The following PPM1N variants were observed in gnomAD, a reference collection of about 807,000 sequenced individuals.
PPM1N encodes probable protein phosphatase 1N.
Under a neutral mutation model 32.6 loss-of-function variants are expected in PPM1N, and 35 were observed. That is an observed-to-expected ratio of 1.07 (90% CI 0.82 to 1.43). PPM1N has a LOEUF of 1.43. Ranked by LOEUF, PPM1N falls within the 40% of genes most tolerant of loss-of-function variation. The pLI is 0.00. For synonymous variants in PPM1N, 275 were observed against 270.5 expected (o/e 1.02, Z -0.16); for missense variants, 648 against 606.6 (o/e 1.07, Z -0.72).
chr19:45,499,695 T>C (rs1289325035), intron 1 of PPM1N: 1 of 1,547,200 alleles, frequency 6.5e-7, no homozygotes, highest in South Asian at 1.2e-5. Context: ...GGGCCGGAAG[T>C]ATTGATTAGT....
At chr19:45,501,243 A>G (rs1274408555) in intron 4 of PPM1N, among the ~76,000 whole-genome samples, 1 of 152,230 alleles carries the variant, frequency 6.6e-6, no homozygotes, top group African/African-American at 2.4e-5. Flanking sequence ...CACAGCAGAT[A>G]CCATCAGGAC....
rs2053986626 is a variant in PPM1N at position 45,499,382 on chromosome 19, G to C, written c.910G>C (p.Ala304Pro). The change falls in exon 1 of 5, where the codon GCG becomes CCG. Residue 304 changes from alanine (A) to proline (P), a missense_variant. Transcript: ENST00000451287. The part of the protein sequence containing the change: ...RLGLAPELLC[A>P]QLLDTCLCKG... ...GGGCCTGGCCCCAGAGCTTCTCTGC[G>C]CGCAGCTGTTGGACACGTGTCTGTG... 6.2e-7 allele frequency: 1 copy of C among 1,606,908 alleles called. No individual in the cohort carries two copies. The highest frequency in any genetic ancestry group is 8.5e-7 in the Non-Finnish European group (1 of 1,177,252).
At position 45,499,933 on chromosome 19, in the gene PPM1N, T is replaced by G; in HGVS notation, c.940-16T>G. Reference sequence around the variant, plus strand: ...GACTCTCCCCCACCGGGCTCCTTTTTCTCCACCGGCTTCAGGGCAGCCTGG... The same window carrying G: ...GACTCTCCCCCACCGGGCTCCTTTTGCTCCACCGGCTTCAGGGCAGCCTGG... On this transcript the variant is annotated splice_polypyrimidine_tract_variant and intron_variant, in intron 1 of 4. Transcript: ENST00000451287. 3 of 1,560,458 alleles carry G rather than the reference T, an allele frequency of 1.9e-6. No individual in the cohort carries two copies. The highest frequency in any genetic ancestry group is 2.6e-6 in the Non-Finnish European group (3 of 1,151,590).
rs1968352451 is a variant in PPM1N, at chr19:45,498,789, G to C, written c.317G>C (p.Gly106Ala). Residue 106 changes from glycine to alanine, a missense_variant, in exon 1 of 5, where the codon GGT becomes GCT. Gly to Ala is a moderately conservative substitution (Grantham distance 60, BLOSUM62 0). Coordinates refer to ENST00000451287, the MANE Select transcript of PPM1N (RefSeq NM_001080401.2). ...TTGTTTGCCGTCCTCGACGGCCACG[G>C]TGGGGCTCGAGCTGCCCGCTTCGGT... ...WALFAVLDGH[G>A]GARAARFGAR... 6.4e-7 allele frequency: 1 copy of C among 1,553,200 alleles called. No homozygotes were observed. The highest frequency in any genetic ancestry group is 8.7e-7 in the Non-Finnish European group (1 of 1,155,070).
chr19:45,498,578 C>T lies in PPM1N; in HGVS notation c.106C>T (p.Arg36Cys), dbSNP rs1405409677. The change falls in exon 1 of 5, where the codon CGC becomes TGC. Residue 36 changes from arginine (R) to cysteine (C), a missense_variant. By Grantham distance (180) the Arg-to-Cys change is radical (BLOSUM62 -3). Coordinates refer to ENST00000451287, the MANE Select transcript of PPM1N (RefSeq NM_001080401.2). The stretch of plus-strand genomic sequence containing the variant: ...GGAAGAGGAGGAGGAGGAGGCGGGG[C>T]GCAGGGCCCCCGAAGGGCCTCGGTC... ...REEEEEEEAG[R>C]RAPEGPRSLL... The T allele has an allele frequency of 2.7e-6, 4 of 1,459,756 alleles. No individual in the cohort carries two copies. Among genetic ancestry groups the T allele is most frequent in the Middle Eastern group, 3.9e-4 (2 of 5,144 alleles). 90.4% of individuals were successfully genotyped at this position (1,459,756 alleles called of 1,614,324 possible).
chr19:45,500,615 G>C (rs980135513), intron 3 of PPM1N, 35 bp from the exon 4 acceptor site: 1 of 1,593,478 alleles, frequency 6.3e-7, no homozygotes, highest in Admixed American at 1.7e-5. Context: ...GGAAGGAGGA[G>C]AGTCCCCTCC....
At chr19:45,500,141 C>A in intron 2 of PPM1N, 75 bp downstream of exon 2, 3 of 1,259,464 alleles carry the variant, frequency 2.4e-6, no homozygotes, top group Non-Finnish European at 3.2e-6. Flanking sequence ...TTCTTTTTTT[C>A]TTTTTTTTTT....
chr19:45,500,319 T>C, intron 2 of PPM1N, 137 bp from the exon 3 acceptor site: 1 of 828,284 alleles, frequency 1.2e-6, no homozygotes, highest in Non-Finnish European at 1.9e-6. Context: ...ATTGTTAGTA[T>C]AGACGGGGTT....
chr19:45,500,819 T>C, intron 4 of PPM1N, 109 bp downstream of exon 4: 1 of 766,110 alleles, frequency 1.3e-6, no homozygotes, highest in East Asian at 2.8e-5. Context: ...ATTTGCCTGA[T>C]ATATTTTATT....
At chr19:45,499,622 G>C in intron 1 of PPM1N, 1 of 1,549,248 alleles carries the variant, frequency 6.5e-7, no homozygotes, top group Non-Finnish European at 8.7e-7. Flanking sequence ...GAGAGTTAGT[G>C]GAAGGGACTT....
At position 45,498,782 on chromosome 19, in the gene PPM1N, G is replaced by A. The variant is rs1010838702; in HGVS notation, c.310G>A (p.Gly104Ser). Residue 104 changes from glycine (G) to serine (S), a missense_variant, in exon 1 of 5, where the codon GGC becomes AGC. By Grantham distance (56) the Gly-to-Ser change is moderately conservative. Coordinates refer to ENST00000451287, the MANE Select transcript of PPM1N (RefSeq NM_001080401.2). ...PGWALFAVLD[G>S]HGGARAARFG... The stretch of plus-strand genomic sequence containing the variant: ...CTGGGCCTTGTTTGCCGTCCTCGAC[G>A]GCCACGGTGGGGCTCGAGCTGCCCG... The A allele has an allele frequency of 1.9e-6, 3 of 1,554,438 alleles. No homozygotes were observed. In the African/African-American group the frequency reaches 4.2e-5, roughly 22 times the overall value.
chr19:45,499,265 G>A lies in PPM1N; in HGVS notation c.793G>A (p.Glu265Lys), dbSNP rs1023997808. The part of the protein sequence containing the change: ...PEVAALARQA[E>K]DEFMLLASDG... ...GGTGGCCGCACTGGCACGCCAGGCT[G>A]AGGACGAGTTCATGCTCCTGGCCTC... The change falls in exon 1 of 5, where the codon GAG (glutamate) becomes AAG (lysine). Residue 265 changes from glutamate to lysine, a missense_variant. By Grantham distance (56) the Glu-to-Lys change is moderately conservative. Transcript: ENST00000451287. The A allele has an allele frequency of 3.1e-6, 5 of 1,610,946 alleles. No homozygotes were observed. The highest frequency in any genetic ancestry group is 1.7e-5 in the Admixed American group (1 of 59,664).
At chr19:45,500,788 T>G (rs1178535587) in intron 4 of PPM1N, 78 bp downstream of exon 4, 1 of 1,070,454 alleles carries the variant, frequency 9.3e-7, no homozygotes, top group Non-Finnish European at 1.4e-6. Flanking sequence ...ACAGGGAAAT[T>G]GAAGCCAGTG....
intron 2 of PPM1N, 57 bp from the exon 3 acceptor site, chr19:45,500,399 T>G (rs1968393069): frequency 6.8e-7 from 1 of 1,473,646 alleles, no homozygotes; most frequent in African/African-American, 1.4e-5. Context: ...TCTCCCAAAG[T>G]GCTGGGATTA....
At chr19:45,499,439 G>A (rs1392008440) in intron 1 of PPM1N, 28 bp downstream of exon 1, 1 of 1,595,556 alleles carries the variant, frequency 6.3e-7, no homozygotes, top group South Asian at 1.1e-5. Context: ...TGGTACCTTT[G>A]GGGCTTGGTG....
chr19:45,499,731 C>G (rs887893852), intron 1 of PPM1N: 5 of 1,539,210 alleles, frequency 3.2e-6, no homozygotes, highest in Non-Finnish European at 3.5e-6. Context: ...AGCAGGTAAA[C>G]ATCAGAGCGG....
In PPM1N at chr19:45,502,306, T is replaced by G; in HGVS notation, c.*221T>G. 1 of 47,926 alleles carries G rather than the reference T, an allele frequency of 2.1e-5. No homozygotes were observed. Among genetic ancestry groups the G allele is most frequent in the Non-Finnish European group, 3.9e-5 (1 of 25,682 alleles). 3.0% of individuals were successfully genotyped at this position (47,926 alleles called of 1,614,324 possible). On this transcript the variant is annotated 3_prime_UTR_variant, in exon 5 of 5. Transcript: ENST00000451287. Reference sequence around the variant, plus strand: ...CAGACCAAAAAGAAAAAAGCCCAAATCGAAAAAAAAAAAAAAAAAAAAAAA... The same window carrying G: ...CAGACCAAAAAGAAAAAAGCCCAAAGCGAAAAAAAAAAAAAAAAAAAAAAA...
At position 45,498,928 on chromosome 19, in the gene PPM1N, C is replaced by T; in HGVS notation, c.456C>T (p.Arg152=). 1 of 1,539,214 alleles carries T rather than the reference C, an allele frequency of 6.5e-7. No homozygotes were observed. The highest frequency in any genetic ancestry group is 1.7e-4 in the Middle Eastern group (1 of 5,936). ...TCTTGAGCGCCGACGAGCGCCTGCG[C>T]TCCCTCTGGCCCCGCGTGGAAACGG... ...RAFLSADERL[R]SLWPRVETGG... Residue 152 remains arginine, a synonymous_variant, in exon 1 of 5, where the codon CGC becomes CGT. Coordinates refer to ENST00000451287, the MANE Select transcript of PPM1N (RefSeq NM_001080401.2).
intron 4 of PPM1N, among the ~76,000 whole-genome samples, chr19:45,501,677 T>C (rs890195707): frequency 2.0e-5 from 3 of 152,146 alleles, no homozygotes; most frequent in African/African-American, 7.2e-5. Flanking sequence ...CGAGTTGGCT[T>C]CATTACCTTT....
Sources: gnomAD v4.1 joint callset for allele counts (sites outside exome capture counted in the v4.1 genomes callset) on GRCh38, gnomAD v4.1.1 for gene constraint, MANE v1.5 for transcripts, NCBI Gene and HGNC (gene_info 2026-07-23, HGNC 2026-07-21) for gene names.